Variants in FAM227B observed in about 807,000 individuals in gnomAD.
FAM227B encodes the protein protein FAM227B.
FAM227B carries 88 observed loss-of-function variants against 73.8 expected under a neutral mutation model. The observed-to-expected ratio is 1.19, with a 90% CI of 1.00 to 1.42. The LOEUF (loss-of-function observed/expected upper bound fraction) is 1.42, where lower values mean the gene tolerates loss of function less well. FAM227B is among the 40% of genes most tolerant of loss of function. FAM227B has a pLI of 0.00. For synonymous variants in FAM227B, 210 were observed against 190.5 expected, an observed-to-expected ratio of 1.10 and a Z score of -0.84; for missense variants, 632 against 590.9, an observed-to-expected ratio of 1.07 and a Z score of -0.72.
At chr15:49,571,698 C>T (rs556964976) in intron 8 of FAM227B, among the ~76,000 whole-genome samples, 1 of 151,708 alleles carries the variant, frequency 6.6e-6, no homozygotes, top group African/African-American at 2.4e-5. Context: ...CTGTTCTATG[C>T]GTATATGTGT....
chr15:49,484,156 T>G (rs1397322497), intron 11 of FAM227B, among the ~76,000 whole-genome samples: 1 of 152,092 alleles, frequency 6.6e-6, no homozygotes, highest in Non-Finnish European at 1.5e-5. Context: ...TACATAAGTA[T>G]AGCTAATAAA....
chr15:49,329,537 C>T, intron 15 of FAM227B: 2 of 985,196 alleles, frequency 2.0e-6, no homozygotes, highest in South Asian at 4.7e-5. Context: ...AGTTTTATTT[C>T]TTAAAGGATA....
intron 11 of FAM227B, among the ~76,000 whole-genome samples, chr15:49,411,829 C>T (rs962147493): frequency 1.5e-4 from 23 of 151,920 alleles, no homozygotes; most frequent in African/African-American, 5.3e-4. Context: ...TTTTTTGCTT[C>T]GCAGACATTT....
intron 9 of FAM227B, among the ~76,000 whole-genome samples, chr15:49,561,193 G>A (rs1207388281): frequency 6.6e-6 from 1 of 151,792 alleles, no homozygotes; most frequent in Non-Finnish European, 1.5e-5. Flanking sequence ...CCATGCAAAG[G>A]GAAAACAAGA....
At chr15:49,616,855 C>G (rs1351307637) in intron 1 of FAM227B, among the ~76,000 whole-genome samples, 2 of 152,090 alleles carry the variant, frequency 1.3e-5, no homozygotes, top group Non-Finnish European at 2.9e-5. Flanking sequence ...TCTTTGCAAT[C>G]TGTAGTGTCT....
At chr15:49,491,519 T>A (rs1268731238) in intron 11 of FAM227B, among the ~76,000 whole-genome samples, 1 of 151,728 alleles carries the variant, frequency 6.6e-6, no homozygotes, top group Non-Finnish European at 1.5e-5. Context: ...TGCCTCTGAG[T>A]TTTGTCTATA....
intron 3 of FAM227B, among the ~76,000 whole-genome samples, chr15:49,591,223 C>G (rs532502046): frequency 6.6e-6 from 1 of 150,428 alleles, no homozygotes; most frequent in African/African-American, 2.4e-5. Flanking sequence ...TACAGGCGCC[C>G]GCCACCATGC....
At chr15:49,419,300 G>A (rs754610890) in intron 11 of FAM227B, among the ~76,000 whole-genome samples, 89 of 152,192 alleles carry the variant, frequency 5.8e-4, no homozygotes, top group Non-Finnish European at 1.1e-3. Flanking sequence ...CAGGTCCATG[G>A]GACTCTGTGA....
At chr15:49,456,043 G>A (rs1330127575) in intron 11 of FAM227B, among the ~76,000 whole-genome samples, 4 of 151,978 alleles carry the variant, frequency 2.6e-5, no homozygotes, top group South Asian at 2.1e-4. Flanking sequence ...TAATGTGACC[G>A]CATATTGGTG....
chr15:49,530,676 G>A (rs1167703790), intron 10 of FAM227B, among the ~76,000 whole-genome samples: 1 of 151,536 alleles, frequency 6.6e-6, no homozygotes, highest in Non-Finnish European at 1.5e-5. Flanking sequence ...ATTATTAGTA[G>A]CTAAAATACC....
chr15:49,592,092 T>A (rs2076613245), intron 3 of FAM227B, among the ~76,000 whole-genome samples: 1 of 152,158 alleles, frequency 6.6e-6, no homozygotes, highest in African/African-American at 2.4e-5. Flanking sequence ...GGTTTTTAGC[T>A]TCCTTGCGAT....
chr15:49,374,565 G>C (rs1374848458), intron 11 of FAM227B, among the ~76,000 whole-genome samples: 3 of 152,188 alleles, frequency 2.0e-5, no homozygotes, highest in Non-Finnish European at 4.4e-5. Context: ...GCATATTCAT[G>C]AGTTTTTGAG....
At chr15:49,329,995 T>C (rs2038327226) in intron 15 of FAM227B, 1 of 154,258 alleles carries the variant, frequency 6.5e-6, no homozygotes, top group African/African-American at 2.4e-5. Context: ...TAAAAAGAAC[T>C]ATGTTTCAGT....
At position 49,610,416 on chromosome 15, in the gene FAM227B, A is replaced by T. The variant is rs972577434; in HGVS notation, c.105+799T>A. Among the ~76,000 whole-genome samples the T allele has an allele frequency of 5.7e-5, 6 of 105,758 alleles. No homozygotes were observed. The Admixed American group carries it at 6.7e-4, about 12-fold the overall frequency. The allele number at this position is 105,758 out of a possible 152,430, so 69.4% of individuals were successfully genotyped here. ...AGCGCAATCCTTTCCCAAAACATTG[A>T]AAGTAAAAAAAAAAAAAAAAAAAAA... On this transcript the variant is annotated intron_variant, in intron 3 of 15. Transcript: ENST00000299338.
At chr15:49,548,381 T>C (rs1428558089) in intron 9 of FAM227B, among the ~76,000 whole-genome samples, 1 of 152,204 alleles carries the variant, frequency 6.6e-6, no homozygotes, top group African/African-American at 2.4e-5. Context: ...CACTTGGTAT[T>C]GATGAATGAT....
At chr15:49,491,354 G>A (rs566714883) in intron 11 of FAM227B, among the ~76,000 whole-genome samples, 6 of 151,670 alleles carry the variant, frequency 4.0e-5, no homozygotes, top group Admixed American at 1.3e-4. Context: ...TTTTTTGCCT[G>A]TTGGGTTTAG....
intron 13 of FAM227B, among the ~76,000 whole-genome samples, chr15:49,352,171 G>T (rs2042350506): frequency 6.6e-6 from 1 of 152,180 alleles, no homozygotes; most frequent in Non-Finnish European, 1.5e-5. Context: ...TCATATAGCA[G>T]CTAGTTCCAA....
intron 11 of FAM227B, among the ~76,000 whole-genome samples, chr15:49,483,707 T>G (rs1035891343): frequency 6.6e-6 from 1 of 152,076 alleles, no homozygotes; most frequent in South Asian, 2.1e-4. Context: ...ATTCACATTG[T>G]CCCCACTTCA....
chr15:49,571,313 A>G (rs1468269116), intron 8 of FAM227B, among the ~76,000 whole-genome samples: 1 of 151,886 alleles, frequency 6.6e-6, no homozygotes, highest in African/African-American at 2.4e-5. Context: ...TCTCTCTTCA[A>G]TCTATTGACT....
Sources: allele counts gnomAD v4.1 joint callset (sites outside exome capture counted in the v4.1 genomes callset), GRCh38; gene constraint gnomAD v4.1.1; transcripts MANE v1.5; gene names NCBI Gene and HGNC (gene_info 2026-07-23, HGNC 2026-07-21).